The following OGG1 variants were observed in gnomAD, a reference collection of about 807,000 sequenced individuals.
The protein encoded by OGG1 is 8-oxoguanine DNA glycosylase.
In OGG1, 35 loss-of-function variants were observed where a neutral mutation model predicts 42.3. That is an observed-to-expected ratio of 0.83 (90% CI 0.63 to 1.10). OGG1 has a LOEUF of 1.10. OGG1 is among the 50% of genes least tolerant of loss of function. OGG1 has a pLI of 0.00. For synonymous variants in OGG1, 189 were observed against 179.0 expected (o/e 1.06, Z -0.44); for missense variants, 484 against 446.7 (o/e 1.08, Z -0.75).
chr3:9,780,444 C>T, intron 2 of OGG1: 1 of 1,612,538 alleles, frequency 6.2e-7, no homozygotes, highest in Non-Finnish European at 8.5e-7. Context: ...GAGTCCGCTT[C>T]TTCTGCCGGG....
In OGG1 at chr3:9,750,036, C is replaced by A. The variant is rs909688286; in HGVS notation, c.-251C>A. 4 of 554,236 alleles carry A rather than the reference C, an allele frequency of 7.2e-6. No homozygotes were observed. Among genetic ancestry groups the A allele is most frequent in the African/African-American group, 5.6e-5 (3 of 53,152 alleles). The allele number at this position is 554,236 out of a possible 1,614,324, so 34.3% of individuals were successfully genotyped here. ...GCTCTGGGGGCGGGAGAAGATAAGT[C>A]GCAAGGAGGGGGCGGGACCTACACC... On this transcript the variant is annotated 5_prime_UTR_variant, in exon 1 of 7. Coordinates refer to ENST00000344629, the MANE Select transcript of OGG1 (RefSeq NM_002542.6).
chr3:9,789,115 C>T (rs539638003), downstream of OGG1, among the ~76,000 whole-genome samples: 6 of 152,290 alleles, frequency 3.9e-5, no homozygotes, highest in Admixed American at 2.6e-4. Context: ...GGATTGCAGG[C>T]ATAAGCCACT....
At chr3:9,780,186 C>T (rs886130165) in intron 2 of OGG1, 4 of 613,996 alleles carry the variant, frequency 6.5e-6, no homozygotes, top group African/African-American at 5.6e-5. Context: ...TTCCTGTGTC[C>T]TGGTTGTACA....
intron 3 of OGG1, chr3:9,781,620 A>C: frequency 2.2e-6 from 1 of 455,044 alleles, no homozygotes; most frequent in South Asian, 1.5e-5. Flanking sequence ...ACACCAGATC[A>C]ATCTCTCTGA....
intron 2 of OGG1, among the ~76,000 whole-genome samples, chr3:9,778,089 G>A (rs774909196): frequency 1.3e-5 from 2 of 152,222 alleles, no homozygotes; most frequent in Non-Finnish European, 2.9e-5. Flanking sequence ...TTCCTCATCT[G>A]TAAATGGGAT....
downstream of OGG1, chr3:9,759,953 A>G: frequency 1.4e-6 from 1 of 705,918 alleles, no homozygotes; most frequent in Non-Finnish European, 2.3e-6. Flanking sequence ...CTCTTAAGAA[A>G]AACATATGGC....
downstream of OGG1, chr3:9,757,573 G>T (rs752632116): frequency 5.0e-6 from 8 of 1,614,044 alleles, no homozygotes; most frequent in African/African-American, 2.7e-5. This position sits in a 1 kb window ranked among gnomAD's most constrained non-coding sequence, Gnocchi z 4.5. Context: ...GGACAGTTCT[G>T]TGCCCGGCTC....
downstream of OGG1, chr3:9,789,499 G>C: frequency 2.5e-6 from 4 of 1,612,282 alleles, no homozygotes; most frequent in South Asian, 1.1e-5. Flanking sequence ...TCAAGGCCCA[G>C]AGTTTCTACC....
chr3:9,765,335 T>G (rs773803643), intron 7 of OGG1, among the ~76,000 whole-genome samples: 3 of 152,098 alleles, frequency 2.0e-5, no homozygotes, highest in African/African-American at 4.8e-5. Context: ...CATATCAGCA[T>G]GAGCAATTCA....
intron 2 of OGG1, among the ~76,000 whole-genome samples, chr3:9,776,635 C>T (rs1465720035): frequency 2.6e-5 from 4 of 152,040 alleles, no homozygotes; most frequent in Admixed American, 2.0e-4. Flanking sequence ...GTGATCCGCC[C>T]GCCTCGGCCT....
chr3:9,780,812 C>T (rs1027251963), intron 2 of OGG1, among the ~76,000 whole-genome samples: 1 of 152,160 alleles, frequency 6.6e-6, no homozygotes, highest in East Asian at 1.9e-4. Context: ...ACCTTTCTCT[C>T]AATTTTGTTG....
chr3:9,789,750 C>A, downstream of OGG1: 2 of 1,614,124 alleles, frequency 1.2e-6, no homozygotes, highest in Non-Finnish European at 1.7e-6. Flanking sequence ...CGTGGCACGT[C>A]GATAGGGTCA....
downstream of OGG1, among the ~76,000 whole-genome samples, chr3:9,788,960 C>T (rs1358796868): frequency 2.6e-5 from 4 of 151,968 alleles, no homozygotes; most frequent in East Asian, 1.9e-4. Flanking sequence ...CTCAGCCTCC[C>T]GAGTAGCTGG....
At position 9,751,790 on chromosome 3, in the gene OGG1, G is replaced by C. The variant is rs530957311; in HGVS notation, c.406G>C (p.Asp136His). The change falls in exon 3 of 7, where the codon GAC (aspartate) becomes CAC (histidine). Residue 136 changes from aspartate to histidine, a missense_variant. Transcript: ENST00000344629. ...TCCAGGTGTGCGACTGCTGCGACAA[G>C]ACCCCATCGAATGCCTTTTCTCTTT... ...KFQGVRLLRQDPIECLFSFIC... is the reference protein window; with the variant it reads ...KFQGVRLLRQHPIECLFSFIC... 11 of 1,614,054 alleles carry C rather than the reference G, an allele frequency of 6.8e-6. No individual in the cohort carries two copies. The highest frequency in any genetic ancestry group is 6.8e-6 in the Non-Finnish European group (8 of 1,180,050).
chr3:9,751,842 C>T lies in OGG1; in HGVS notation c.458C>T (p.Ala153Val), dbSNP rs2077315394. 1 of 1,614,218 alleles carries T rather than the reference C, an allele frequency of 6.2e-7. No homozygotes were observed. Among genetic ancestry groups the T allele is most frequent in the Admixed American group, 1.7e-5 (1 of 60,036 alleles). Residue 153 changes from alanine to valine, a missense_variant, in exon 3 of 7, where the codon GCC (alanine) becomes GTC (valine). Ala to Val is a moderately conservative substitution (Grantham distance 64). Coordinates refer to ENST00000344629, the MANE Select transcript of OGG1 (RefSeq NM_002542.6). Reference protein sequence around the residue: ...SFICSSNNNIARITGMVERLC... With the variant: ...SFICSSNNNIVRITGMVERLC... ...ATCTGTTCCTCCAACAACAACATCG[C>T]CCGCATCACTGGCATGGTGGAGCGG...
At chr3:9,785,550 T>C (rs974951668) in intron 3 of OGG1, 6 of 666,562 alleles carry the variant, frequency 9.0e-6, no homozygotes, top group African/African-American at 3.6e-5. Context: ...CCACCTACCG[T>C]GGGAAGCCTT....
chr3:9,750,738 G>A (rs1041033584), intron 1 of OGG1: 2 of 728,958 alleles, frequency 2.7e-6, no homozygotes, highest in Non-Finnish European at 4.6e-6. Context: ...GCAGCCTCCC[G>A]AGTAGCTGGG....
chr3:9,776,610 C>T (rs1435813319), intron 2 of OGG1, among the ~76,000 whole-genome samples: 2 of 151,948 alleles, frequency 1.3e-5, no homozygotes, highest in Non-Finnish European at 2.9e-5. Context: ...AGGATAGTCT[C>T]GATCTCCTGA....
intron 2 of OGG1, among the ~76,000 whole-genome samples, chr3:9,773,816 C>T (rs1051629143): frequency 8.5e-5 from 13 of 152,162 alleles, no homozygotes; most frequent in African/African-American, 2.6e-4. Flanking sequence ...CCTCAGCCTC[C>T]GGAGTAGCTG....
Sources: gnomAD v4.1 joint callset for allele counts (sites outside exome capture counted in the v4.1 genomes callset) on GRCh38, gnomAD v4.1.1 for gene constraint, Gnocchi (gnomAD v3.1) non-coding constraint, MANE v1.5 for transcripts, NCBI Gene and HGNC (gene_info 2026-07-23, HGNC 2026-07-21) for gene names.